TAAR2: variants seen among roughly 807,000 people sequenced by gnomAD.
TAAR2 encodes trace amine associated receptor 2.
Under a neutral mutation model 25.5 loss-of-function variants are expected in TAAR2, and 30 were observed. The observed-to-expected ratio is 1.18, with a 90% CI of 0.88 to 1.60. TAAR2 has a LOEUF of 1.60. Ranked by LOEUF, TAAR2 falls within the 40% of genes most tolerant of loss-of-function variation. TAAR2 has a pLI of 0.00. For missense variants in TAAR2, 481 were observed against 416.5 expected, an observed-to-expected ratio of 1.15 and a Z score of -1.35; for synonymous variants, 150 against 142.4, an observed-to-expected ratio of 1.05 and a Z score of -0.38.
chr6:132,622,834 T>C (rs1162464123), intron 1 of TAAR2, among the ~76,000 whole-genome samples: 1 of 152,160 alleles, frequency 6.6e-6, no homozygotes, highest in Non-Finnish European at 1.5e-5. Flanking sequence ...TTCTGCCAGC[T>C]AATCATTGTT....
chr6:132,622,310 A>AT (rs1311610626), intron 1 of TAAR2, among the ~76,000 whole-genome samples: 2 of 150,824 alleles, frequency 1.3e-5, no homozygotes, highest in Non-Finnish European at 3.0e-5. Flanking sequence ...AGAATTTTCT[A>AT]TTTTTTCTAA....
chr6:132,618,584 G>A (rs562198196), intron 1 of TAAR2, among the ~76,000 whole-genome samples: 1 of 152,064 alleles, frequency 6.6e-6, no homozygotes, highest in African/African-American at 2.4e-5. Flanking sequence ...AGGTTGCAGT[G>A]AGCCGAGATT....
chr6:132,621,789 C>T (rs577417450), intron 1 of TAAR2, among the ~76,000 whole-genome samples: 1 of 152,226 alleles, frequency 6.6e-6, no homozygotes, highest in South Asian at 2.1e-4. Context: ...ATTCCTCATA[C>T]ACATGCCACA....
In TAAR2 at chr6:132,617,273, A is replaced by C. The variant is rs1777304977; in HGVS notation, c.933T>G (p.Asn311Lys). Reference protein sequence around the residue: ...TWFGYFNSTCNPLIYGFFYPW... With the variant: ...TWFGYFNSTCKPLIYGFFYPW... ...GATAGAAGAAACCATATATTAACGGATTACATGTGGAGTTAAAATAGCCAA... is the reference window on the plus strand; with the variant it reads ...GATAGAAGAAACCATATATTAACGGCTTACATGTGGAGTTAAAATAGCCAA... Residue 311 changes from asparagine (N) to lysine (K), a missense_variant, in exon 2 of 2, where the codon AAT (asparagine) becomes AAG (lysine). Physicochemically the swap from Asn to Lys is moderately conservative, Grantham distance 94. Coordinates refer to ENST00000367931, the MANE Select transcript of TAAR2 (RefSeq NM_001033080.1). 1 of 1,613,720 alleles carries C rather than the reference A, an allele frequency of 6.2e-7. No individual in the cohort carries two copies. The highest frequency in any genetic ancestry group is 1.3e-5 in the African/African-American group (1 of 74,930).
chr6:132,623,439 C>T (rs1040645968), intron 1 of TAAR2, among the ~76,000 whole-genome samples: 1 of 152,180 alleles, frequency 6.6e-6, no homozygotes, highest in Non-Finnish European at 1.5e-5. Context: ...AGACCTAATG[C>T]AACAGCAATC....
In TAAR2 at chr6:132,617,637, C is replaced by G. The variant is rs745672595; in HGVS notation, c.569G>C (p.Gly190Ala). Residue 190 changes from glycine (G) to alanine (A), a missense_variant, in exon 2 of 2, where the codon GGC (glycine) becomes GCC (alanine). Physicochemically the swap from Gly to Ala is moderately conservative, Grantham distance 60. Coordinates refer to ENST00000367931, the MANE Select transcript of TAAR2 (RefSeq NM_001033080.1). ...FSEAYADGIE[G>A]YDILVACSSS... ...GGAACAAGCAACCAAGATGTCATAG[C>G]CCTCTATTCCATCTGCATAGGCCTC... 15 of 1,613,808 alleles carry G rather than the reference C, an allele frequency of 9.3e-6. No individual in the cohort carries two copies. The highest frequency in any genetic ancestry group is 1.7e-5 in the Admixed American group (1 of 59,978).
chr6:132,620,492 T>C (rs899848714), intron 1 of TAAR2, among the ~76,000 whole-genome samples: 4 of 152,224 alleles, frequency 2.6e-5, no homozygotes, highest in Non-Finnish European at 4.4e-5. Flanking sequence ...TAAACTATAT[T>C]CATTTTTAAC....
At chr6:132,622,578 C>T (rs1777389185) in intron 1 of TAAR2, among the ~76,000 whole-genome samples, 1 of 142,324 alleles carries the variant, frequency 7.0e-6, no homozygotes. Context: ...CTCCATTTCC[C>T]AGGTTCAAGT....
At chr6:132,618,588 C>T (rs1006595487) in intron 1 of TAAR2, among the ~76,000 whole-genome samples, 2 of 151,562 alleles carry the variant, frequency 1.3e-5, no homozygotes, top group Non-Finnish European at 2.9e-5. Flanking sequence ...TGCAGTGAGC[C>T]GAGATTGTGC....
At chr6:132,624,053 AT>A (rs1420697117) in intron 1 of TAAR2, among the ~76,000 whole-genome samples, 162 bp downstream of exon 1, 2 of 152,060 alleles carry the variant, frequency 1.3e-5, no homozygotes, top group African/African-American at 2.4e-5. Context: ...TGTCTTCCTC[AT>A]TTTTTCTTTG....
intron 1 of TAAR2, among the ~76,000 whole-genome samples, chr6:132,622,776 A>G (rs9493403): frequency 0.44 from 66,237 of 151,702 alleles, 15,288 homozygotes; most frequent in African/African-American, 0.59. Flanking sequence ...GAGCCACCAC[A>G]CCCTGCCTAG....
chr6:132,617,199 C>A lies in TAAR2; in HGVS notation c.1007G>T (p.Ser336Ile). 1 of 1,605,706 alleles carries A rather than the reference C, an allele frequency of 6.2e-7. No individual in the cohort carries two copies. The highest frequency in any genetic ancestry group is 2.2e-5 in the East Asian group (1 of 44,708). Residue 336 changes from serine (S) to isoleucine (I), a missense_variant, in exon 2 of 2, where the codon AGC becomes ATC. By Grantham distance (142) the Ser-to-Ile change is moderately radical (BLOSUM62 -2). Coordinates refer to ENST00000367931, the MANE Select transcript of TAAR2 (RefSeq NM_001033080.1). The part of the protein sequence containing the change: ...LKYILLGKIF[S>I]SCFHNTILCM... The stretch of plus-strand genomic sequence containing the variant: ...CAAAATAGTATTATGGAAACATGAG[C>A]TGAAAATTTTACCTAGCAAAATGTA...
chr6:132,618,122 A>G lies in TAAR2; in HGVS notation c.84T>C (p.Tyr28=), dbSNP rs368608252. The change falls in exon 2 of 2, where the codon TAT becomes TAC. Residue 28 remains tyrosine (Y), a synonymous_variant. Coordinates refer to ENST00000367931, the MANE Select transcript of TAAR2 (RefSeq NM_001033080.1). ...CATTTTCTGGGCAAGATCTATTTCCATATTCAGAGCAATTGAATTTTTCCT... is the reference window on the plus strand; with the variant it reads ...CATTTTCTGGGCAAGATCTATTTCCGTATTCAGAGCAATTGAATTTTTCCT... The part of the protein sequence containing the change: ...TKKEKFNCSE[Y]GNRSCPENER... 20 of 1,600,130 alleles carry G rather than the reference A, an allele frequency of 1.2e-5. No homozygotes were observed. Among genetic ancestry groups the G allele is most frequent in the African/African-American group, 4.0e-5 (3 of 74,344 alleles).
rs916553922 is a variant in TAAR2 at position 132,619,023 on chromosome 6, C to T, written c.61-878G>A. ...TATCTGGTAGAGTCAATCTATAAGG[C>T]AAATCATGAATTCTTAACAAGCATG... On this transcript the variant is annotated intron_variant, in intron 1 of 1. Coordinates refer to ENST00000367931, the MANE Select transcript of TAAR2 (RefSeq NM_001033080.1). Among the ~76,000 whole-genome samples, 3 of 152,276 alleles carry T rather than the reference C, an allele frequency of 2.0e-5. No homozygotes were observed. The South Asian group carries it at 6.2e-4, about 32-fold the overall frequency.
intron 1 of TAAR2, among the ~76,000 whole-genome samples, chr6:132,622,291 C>CAATGATAAAG (rs1325317575): frequency 6.6e-6 from 1 of 151,248 alleles, no homozygotes; most frequent in Non-Finnish European, 1.5e-5. Flanking sequence ...ACCATGACCA[C>CAATGATAAAG]AATGACAAAG....
chr6:132,623,009 CA>C (rs1325368725), intron 1 of TAAR2, among the ~76,000 whole-genome samples: 2 of 152,188 alleles, frequency 1.3e-5, no homozygotes, highest in East Asian at 3.9e-4. Flanking sequence ...AGCACACTAT[CA>C]AAAGAAAGCT....
intron 1 of TAAR2, among the ~76,000 whole-genome samples, chr6:132,623,928 A>G (rs988387590): frequency 6.6e-6 from 1 of 151,944 alleles, no homozygotes; most frequent in Non-Finnish European, 1.5e-5. Context: ...CCACACATGG[A>G]TGGGACCTCT....
intron 1 of TAAR2, among the ~76,000 whole-genome samples, chr6:132,622,728 C>A (rs1031125120): frequency 1.3e-5 from 2 of 152,026 alleles, no homozygotes; most frequent in South Asian, 2.1e-4. Context: ...TCATCATTCG[C>A]CCACCTTGGC....
intron 1 of TAAR2, among the ~76,000 whole-genome samples, chr6:132,622,525 G>T (rs1178785742): frequency 8.7e-6 from 1 of 115,098 alleles, no homozygotes; most frequent in African/African-American, 3.4e-5. Context: ...TCCCTCTGTA[G>T]CCCAGGCTAG....
Sources: allele counts gnomAD v4.1 joint callset (sites outside exome capture counted in the v4.1 genomes callset), GRCh38; gene constraint gnomAD v4.1.1; transcripts MANE v1.5; gene names NCBI Gene and HGNC (gene_info 2026-07-23, HGNC 2026-07-21).